SYCP2: variants seen among roughly 807,000 people sequenced by gnomAD.
The protein encoded by SYCP2 is synaptonemal complex lateral element protein.
SYCP2 carries 55 observed loss-of-function variants against 211.3 expected under a neutral mutation model. The ratio of observed to expected loss-of-function variants is 0.26; its 90% CI spans 0.21 to 0.33. SYCP2 has a LOEUF of 0.33. Ranked by LOEUF, SYCP2 falls within the 10% of genes least tolerant of loss-of-function variation. The pLI, the probability that SYCP2 is intolerant of heterozygous loss-of-function variation, is 1.00. For missense variants in SYCP2, 1,731 were observed against 1,752.0 expected, an observed-to-expected ratio of 0.99 and a Z score of 0.21; for synonymous variants, 570 against 555.2, an observed-to-expected ratio of 1.03 and a Z score of -0.37.
At position 59,868,502 on chromosome 20, in the gene SYCP2, A is replaced by G. The variant is rs2059392349; in HGVS notation, c.3899T>C (p.Val1300Ala). The G allele has an allele frequency of 1.2e-6, 2 of 1,610,952 alleles. No homozygotes were observed. Among genetic ancestry groups the G allele is most frequent in the East Asian group, 4.5e-5 (2 of 44,734 alleles). The change falls in exon 38 of 45, where the codon GTA (valine) becomes GCA (alanine). Residue 1300 changes from valine to alanine, a missense_variant. Physicochemically the swap from Val to Ala is moderately conservative, Grantham distance 64. Coordinates refer to ENST00000357552, the MANE Select transcript of SYCP2 (RefSeq NM_014258.4). Reference sequence around the variant, plus strand: ...CCTTTCTCCTTTCTCTTCCATTTCTACTTCATTGGAATTACTTAGATTATC... The same window carrying G: ...CCTTTCTCCTTTCTCTTCCATTTCTGCTTCATTGGAATTACTTAGATTATC... ...IEDNLSNSNE[V>A]EMEEKGERRA... is the part of the protein sequence containing the mutation.
At position 59,868,452 on chromosome 20, in the gene SYCP2, G is replaced by GT. The variant is rs755832373; in HGVS notation, c.3948dup (p.Leu1317ThrfsTer3). ...TGATCTGCATCTTCAATTTTACACAGTTTTTTGGGAAGCAAGTTTGCTCTC... is the reference window on the plus strand; with the variant it reads ...TGATCTGCATCTTCAATTTTACACAGTTTTTTTGGGAAGCAAGTTTGCTCTC... On this transcript the variant is annotated frameshift_variant, in exon 38 of 45. Transcript: ENST00000357552. LOFTEE classifies it high-confidence loss of function. 1 of 1,610,976 alleles carries GT rather than the reference G, an allele frequency of 6.2e-7. No homozygotes were observed. Among genetic ancestry groups the GT allele is most frequent in the Admixed American group, 1.7e-5 (1 of 59,744 alleles).
At chr20:59,925,926 C>A (rs1319050239) in intron 2 of SYCP2, among the ~76,000 whole-genome samples, 4 of 151,962 alleles carry the variant, frequency 2.6e-5, no homozygotes, top group African/African-American at 9.7e-5. Flanking sequence ...TTTGTCAAAA[C>A]CTCACAGAGA....
chr20:59,906,684 A>G (rs1264345769), intron 15 of SYCP2, among the ~76,000 whole-genome samples: 3 of 152,278 alleles, frequency 2.0e-5, no homozygotes, highest in Non-Finnish European at 2.9e-5. Context: ...AAATAGATCA[A>G]GTAGATTTCA....
chr20:59,885,106 AG>A (rs1049353194), intron 26 of SYCP2: 1 of 152,124 alleles, frequency 6.6e-6, no homozygotes, highest in African/African-American at 2.4e-5. Context: ...GACTTACTTC[AG>A]GAAACCTCAA....
At chr20:59,873,827 TA>T in intron 35 of SYCP2, 28 bp downstream of exon 35, 1 of 1,546,828 alleles carries the variant, frequency 6.5e-7, no homozygotes, top group Non-Finnish European at 8.8e-7. Context: ...ATATATCTGA[TA>T]AAGAGAAAAA....
intron 40 of SYCP2, 29 bp downstream of exon 40, chr20:59,866,453 TGTAGCATTCAAAA>T: frequency 2.6e-6 from 4 of 1,563,298 alleles, no homozygotes; most frequent in Non-Finnish European, 3.5e-6. Flanking sequence ...TATAGGAATA[TGTAGCATTCAAAA>T]GTTTTCAGAA....
At chr20:59,864,774 T>C (rs2059296910) in intron 44 of SYCP2, among the ~76,000 whole-genome samples, 1 of 152,074 alleles carries the variant, frequency 6.6e-6, no homozygotes, top group Non-Finnish European at 1.5e-5. Context: ...TGTCAGCATA[T>C]TGAGGTTCTA....
At chr20:59,885,813 C>T in intron 26 of SYCP2, 115 bp downstream of exon 26, 1 of 791,932 alleles carries the variant, frequency 1.3e-6, no homozygotes, top group Non-Finnish European at 2.1e-6. Flanking sequence ...ATTCATTTAG[C>T]AATATTCTGA....
At chr20:59,872,053 G>A (rs2145617936) in intron 35 of SYCP2, among the ~76,000 whole-genome samples, 1 of 152,032 alleles carries the variant, frequency 6.6e-6, no homozygotes, top group East Asian at 1.9e-4. Context: ...GGAGAAGGAG[G>A]TGAAGGAGGC....
At chr20:59,868,809 T>C (rs1568903586) in intron 37 of SYCP2, 26 bp downstream of exon 37, 1 of 1,565,728 alleles carries the variant, frequency 6.4e-7, no homozygotes, top group South Asian at 1.2e-5. Flanking sequence ...AATCATTTTT[T>C]AAAAAGCAAG....
intron 35 of SYCP2, among the ~76,000 whole-genome samples, chr20:59,872,629 A>G (rs1343566895): frequency 1.3e-5 from 2 of 150,934 alleles, no homozygotes; most frequent in South Asian, 2.1e-4. Context: ...TCAGGCATCT[A>G]TTGGGGGGGT....
At chr20:59,911,621 T>A (rs2060328820) in intron 14 of SYCP2, 129 bp downstream of exon 14, 2 of 412,266 alleles carry the variant, frequency 4.9e-6, no homozygotes, top group Non-Finnish European at 8.8e-6. Context: ...CTAATCAAAC[T>A]ACTAGAGCTA....
rs752295944 is a variant in SYCP2 at position 59,919,599 on chromosome 20, TAA to T, written c.298-4_298-3del. 1 of 1,578,982 alleles carries T rather than the reference TAA, an allele frequency of 6.3e-7. No homozygotes were observed. Among genetic ancestry groups the T allele is most frequent in the South Asian group, 1.1e-5 (1 of 88,430 alleles). ...GGATTTTTCAAACCAGGCAACCATG[TAA>T]AAAAAGGAATGAACTTATTAGAGTT... On this transcript the variant is annotated splice_region_variant and splice_polypyrimidine_tract_variant and intron_variant, in intron 5 of 44. Coordinates refer to ENST00000357552, the MANE Select transcript of SYCP2 (RefSeq NM_014258.4).
At chr20:59,922,309 A>G (rs1275878083) in intron 3 of SYCP2, 81 bp downstream of exon 3, 3 of 1,234,406 alleles carry the variant, frequency 2.4e-6, no homozygotes, top group Non-Finnish European at 3.4e-6. Flanking sequence ...CATTGCTAAA[A>G]ACATAGCACT....
Position 59,875,394 on chromosome 20 carries a change from C to G in SYCP2, c.3226G>C (p.Glu1076Gln). 1 of 1,612,894 alleles carries G rather than the reference C, an allele frequency of 6.2e-7. No homozygotes were observed. Among genetic ancestry groups the G allele is most frequent in the Non-Finnish European group, 8.5e-7 (1 of 1,179,456 alleles). Residue 1076 changes from glutamate (E) to glutamine (Q), a missense_variant, in exon 34 of 45, where the codon GAA (glutamate) becomes CAA (glutamine). Physicochemically the swap from Glu to Gln is conservative, Grantham distance 29 (BLOSUM62 2). Around this residue, in one of 3 missense-constraint regions of SYCP2, gnomAD observed 1,387 missense variants for 1,351.3 expected, o/e 1.03. Coordinates refer to ENST00000357552, the MANE Select transcript of SYCP2 (RefSeq NM_014258.4). ...KQQKVFCAET[E>Q]KELSKQWKNS... is the part of the protein sequence containing the mutation. Reference sequence around the variant, plus strand: ...TTCCATTGTTTTGATAGTTCCTTTTCTGTTTCAGCACAGAAGACTTTCTGT... The same window carrying G: ...TTCCATTGTTTTGATAGTTCCTTTTGTGTTTCAGCACAGAAGACTTTCTGT...
chr20:59,919,236 T>C, intron 6 of SYCP2, 54 bp from the exon 7 acceptor site: 2 of 904,370 alleles, frequency 2.2e-6, no homozygotes, highest in East Asian at 2.6e-5. Flanking sequence ...TTACAAACCA[T>C]TACAATATTA....
chr20:59,894,808 T>C (rs1057515107), intron 20 of SYCP2, among the ~76,000 whole-genome samples: 1 of 152,072 alleles, frequency 6.6e-6, no homozygotes, highest in African/African-American at 2.4e-5. Context: ...TCACCTCCTG[T>C]TTCTCCAAGA....
chr20:59,880,902 C>T, intron 30 of SYCP2, 64 bp downstream of exon 30: 2 of 770,762 alleles, frequency 2.6e-6, no homozygotes, highest in Non-Finnish European at 3.9e-6. Context: ...TTTTGATAAT[C>T]TTTAACATTA....
rs115024807 is a variant in SYCP2, at chr20:59,907,550, A to G, written c.973-126T>C. The stretch of plus-strand genomic sequence containing the variant: ...GCTAGTCACTAAGTAACTAGTTTAT[A>G]TAACACCTTTCTTGCTCCACCAATT... On this transcript the variant is annotated intron_variant, in intron 14 of 44. Coordinates refer to ENST00000357552, the MANE Select transcript of SYCP2 (RefSeq NM_014258.4). 802 of 655,318 alleles carry G rather than the reference A, an allele frequency of 1.2e-3. 6 individuals are homozygous for G. In the African/African-American group the frequency reaches 0.012, roughly 10 times the overall value. 40.6% of individuals were successfully genotyped at this position (655,318 alleles called of 1,614,324 possible). A position where few individuals can be genotyped will look rare whatever the true frequency, so the allele number is the denominator to read the frequency against.
Sources: allele counts gnomAD v4.1 joint callset (sites outside exome capture counted in the v4.1 genomes callset), GRCh38; gene constraint gnomAD v4.1.1; regional missense constraint gnomAD v4.1.1; transcripts MANE v1.5; gene names NCBI Gene and HGNC (gene_info 2026-07-23, HGNC 2026-07-21).